The following RUFY3 variants were observed in gnomAD, a reference collection of about 807,000 sequenced individuals.
The protein encoded by RUFY3 is protein RUFY3.
RUFY3 carries 34 observed loss-of-function variants against 84.0 expected under a neutral mutation model. The ratio of observed to expected loss-of-function variants is 0.40; its 90% confidence interval spans 0.31 to 0.54. The LOEUF (loss-of-function observed/expected upper bound fraction) is 0.54. Ranked by LOEUF, RUFY3 falls within the 20% of genes least tolerant of loss-of-function variation. The probability of loss-of-function intolerance (pLI) is 0.39; values close to 1 mark genes in which losing one functional copy is unlikely to be tolerated. For synonymous variants in RUFY3, 242 were observed against 252.9 expected, an observed-to-expected ratio of 0.96 and a Z score of 0.41; for missense variants, 507 against 736.8, an observed-to-expected ratio of 0.69 and a Z score of 3.61.
chr4:70,765,285 C>T (rs1171042400), intron 4 of RUFY3, among the ~76,000 whole-genome samples: 4 of 150,224 alleles, frequency 2.7e-5, no homozygotes, highest in Non-Finnish European at 4.4e-5. Context: ...GGCAAAACAA[C>T]ATTATTTTAT....
rs112623905 is a variant in RUFY3 at position 70,736,410 on chromosome 4, G to A, written c.178+13659G>A. 6.3e-3 allele frequency among the ~76,000 whole-genome samples: 961 copies of A among 152,154 alleles called. 9 individuals carry two copies. Among genetic ancestry groups the A allele is most frequent in the African/African-American group, 0.022 (930 of 41,494 alleles). On this transcript the variant is annotated intron_variant, in intron 1 of 17. Coordinates refer to ENST00000381006, the MANE Select transcript of RUFY3 (RefSeq NM_001037442.4). ...CACTTTTTCAATGTATACACTGAAG[G>A]TTCACTTGCAAACTCAAAATTTTAT...
chr4:70,787,904 T>A (rs1730164991), intron 10 of RUFY3, among the ~76,000 whole-genome samples: 1 of 152,148 alleles, frequency 6.6e-6, no homozygotes, highest in African/African-American at 2.4e-5. Flanking sequence ...ATGCAGAAGA[T>A]CCTCAGGTCT....
rs113514402 is a variant in RUFY3 at position 70,804,644 on chromosome 4, G to A, written c.1719+228G>A. On this transcript the variant is annotated intron_variant, in intron 17 of 17. Transcript: ENST00000381006. ...TTAAAATAAACATAAATAGCCAGGC[G>A]CGGTGACTCACGCCTGTAATCCCAG... 5.2e-3 allele frequency among the ~76,000 whole-genome samples: 794 copies of A among 151,668 alleles called. 9 individuals are homozygous for A. Among genetic ancestry groups the A allele is most frequent in the African/African-American group, 0.018 (743 of 41,346 alleles).
intron 5 of RUFY3, among the ~76,000 whole-genome samples, chr4:70,771,201 T>C (rs1726890847): frequency 6.6e-6 from 1 of 151,644 alleles, no homozygotes; most frequent in Non-Finnish European, 1.5e-5. Flanking sequence ...GCACATGCTG[T>C]TGGAAAAATG....
chr4:70,711,169 G>T (rs915131137), intron 1 of RUFY3, among the ~76,000 whole-genome samples: 18 of 151,748 alleles, frequency 1.2e-4, no homozygotes, highest in African/African-American at 3.9e-4. Context: ...GTGTTGCCCA[G>T]GCTGGTCTTG....
chr4:70,803,113 C>G lies in RUFY3; in HGVS notation c.1650+130C>G. ...AGTGTGCCATCCTTCTAACAATACCCTGAACAAATATGTATTGCCTGAAGC... is the reference window on the plus strand; with the variant it reads ...AGTGTGCCATCCTTCTAACAATACCGTGAACAAATATGTATTGCCTGAAGC... On this transcript the variant is annotated intron_variant, in intron 16 of 17. Coordinates refer to ENST00000381006, the MANE Select transcript of RUFY3 (RefSeq NM_001037442.4). 2 of 626,518 alleles carry G rather than the reference C, an allele frequency of 3.2e-6. 1 individual carries two copies. The highest frequency in any genetic ancestry group is 4.4e-5 in the South Asian group (2 of 45,772). The allele number at this position is 626,518 out of a possible 1,614,324, so 38.8% of individuals were successfully genotyped here. A position where few individuals can be genotyped will look rare whatever the true frequency, so the allele number is the denominator to read the frequency against.
chr4:70,755,715 A>C (rs781347159), intron 1 of RUFY3, among the ~76,000 whole-genome samples: 1 of 152,248 alleles, frequency 6.6e-6, no homozygotes, highest in Non-Finnish European at 1.5e-5. Context: ...ACTTTGGGAC[A>C]CTGAGGCGGG....
chr4:70,802,219 A>C (rs1043485743), intron 15 of RUFY3, among the ~76,000 whole-genome samples: 1 of 152,152 alleles, frequency 6.6e-6, no homozygotes, highest in Non-Finnish European at 1.5e-5. Context: ...TGCAATCGTT[A>C]GACATACCAG....
At chr4:70,776,456 G>A (rs1727981339) in intron 7 of RUFY3, among the ~76,000 whole-genome samples, 1 of 152,028 alleles carries the variant, frequency 6.6e-6, no homozygotes, top group Non-Finnish European at 1.5e-5. Flanking sequence ...TCTGAGCACA[G>A]TGAATAAAAC....
At chr4:70,790,016 C>T (rs1730553140) in intron 12 of RUFY3, 1 of 398,904 alleles carries the variant, frequency 2.5e-6, no homozygotes, top group Non-Finnish European at 3.4e-6. Flanking sequence ...TAGGTGTCCT[C>T]CAAGGATCTA....
chr4:70,714,843 T>C (rs905404888), intron 1 of RUFY3, among the ~76,000 whole-genome samples: 2 of 152,200 alleles, frequency 1.3e-5, no homozygotes, highest in East Asian at 3.8e-4. Flanking sequence ...ACCTACTAAG[T>C]TTTTGATAGC....
At chr4:70,791,647 C>T (rs1018235659) in intron 12 of RUFY3, 4 of 1,036,926 alleles carry the variant, frequency 3.9e-6, no homozygotes, top group South Asian at 7.9e-5. Context: ...CAACCCAGTC[C>T]TTGATAATAC....
upstream of RUFY3, among the ~76,000 whole-genome samples, chr4:70,717,873 ATTTT>A (rs1165078654): frequency 0.02 from 1,620 of 82,264 alleles, 29 homozygotes; most frequent in African/African-American, 0.083. Flanking sequence ...TTGACATGGT[ATTTT>A]TTTTTTTTTT....
At chr4:70,744,222 G>A (rs960855350) in intron 1 of RUFY3, among the ~76,000 whole-genome samples, 21 of 151,748 alleles carry the variant, frequency 1.4e-4, no homozygotes, top group African/African-American at 3.1e-4. Context: ...TTTTTGAGAC[G>A]AGGTATCACT....
upstream of RUFY3, among the ~76,000 whole-genome samples, chr4:70,719,789 G>C (rs142374990): frequency 6.1e-3 from 925 of 152,294 alleles, 10 homozygotes; most frequent in African/African-American, 0.019. Flanking sequence ...CTTGTGTTCA[G>C]TATTTGGATA....
rs760994852 is a variant in RUFY3, at chr4:70,793,904, G to A, written c.1457G>A (p.Arg486Gln). 88 of 1,613,664 alleles carry A rather than the reference G, an allele frequency of 5.5e-5. No homozygotes were observed. In the Admixed American group the frequency reaches 1.2e-3, roughly 22 times the overall value. The part of the protein sequence containing the change: ...QLEVEELTRQ[R>Q]NQLELELKQE... ...GAAGTCGAGGAGCTCACCAGGCAGCGGTGAAGAGGGGGTAGCTTGAGCTGA... is the reference window on the plus strand; with the variant it reads ...GAAGTCGAGGAGCTCACCAGGCAGCAGTGAAGAGGGGGTAGCTTGAGCTGA... Residue 486 changes from arginine to glutamine, a missense_variant and splice_region_variant, in exon 13 of 18, where the codon CGG (arginine) becomes CAG (glutamine). Physicochemically the swap from Arg to Gln is conservative, Grantham distance 43. Around this residue, in one of 4 missense-constraint regions of RUFY3, gnomAD observed 334 missense variants for 364.1 expected, o/e 0.92. Coordinates refer to ENST00000381006, the MANE Select transcript of RUFY3 (RefSeq NM_001037442.4).
intron 1 of RUFY3, among the ~76,000 whole-genome samples, chr4:70,716,327 C>G (rs1471431381): frequency 2.0e-5 from 3 of 151,566 alleles, no homozygotes; most frequent in Non-Finnish European, 4.4e-5. Flanking sequence ...TGTATTTTTA[C>G]TAGAGACGGG....
intron 1 of RUFY3, among the ~76,000 whole-genome samples, chr4:70,730,072 T>C (rs557752645): frequency 2.6e-5 from 4 of 151,958 alleles, no homozygotes. Flanking sequence ...ATAGCTGGGA[T>C]TACAGGCACC....
At chr4:70,773,153 CA>C (rs1727268567) in intron 5 of RUFY3, among the ~76,000 whole-genome samples, 2 of 152,074 alleles carry the variant, frequency 1.3e-5, no homozygotes, top group Admixed American at 1.3e-4. Context: ...GAAACTTCTA[CA>C]GGGGAAATGT....
Sources: gnomAD v4.1 joint callset for allele counts (sites outside exome capture counted in the v4.1 genomes callset) on GRCh38, gnomAD v4.1.1 for gene constraint, gnomAD v4.1.1 regional missense constraint, MANE v1.5 for transcripts, NCBI Gene and HGNC (gene_info 2026-07-23, HGNC 2026-07-21) for gene names.